ENTPD5: variants seen among roughly 807,000 people sequenced by gnomAD.
The protein encoded by ENTPD5 is ectonucleoside triphosphate diphosphohydrolase 5 (inactive), also known as nucleoside diphosphate phosphatase ENTPD5.
In ENTPD5, 49 loss-of-function variants were observed where a neutral mutation model predicts 60.2. The ratio of observed to expected loss-of-function variants is 0.81; its 90% confidence interval spans 0.65 to 1.03. ENTPD5 has a LOEUF of 1.03. Ranked by LOEUF, ENTPD5 falls within the 50% of genes least tolerant of loss-of-function variation. ENTPD5 has a pLI of 0.00. For missense variants in ENTPD5, 480 were observed against 507.6 expected, an observed-to-expected ratio of 0.95 and a Z score of 0.52; for synonymous variants, 187 against 185.4, an observed-to-expected ratio of 1.01 and a Z score of -0.07.
intron 7 of ENTPD5, 104 bp downstream of exon 7, chr14:73,977,195 G>T (rs1594865170): frequency 1.6e-6 from 2 of 1,220,734 alleles, no homozygotes; most frequent in Non-Finnish European, 2.4e-6. Flanking sequence ...TCTATTTCCT[G>T]CTATCTCATT....
chr14:73,970,263 G>A (rs1444952788), intron 14 of ENTPD5, 138 bp from the exon 15 acceptor site: 11 of 559,940 alleles, frequency 2.0e-5, no homozygotes, highest in Admixed American at 1.3e-4. Flanking sequence ...AGGCTGAGGC[G>A]GGTGGATCAC....
chr14:74,017,261 T>C (rs1034793466), intron 1 of ENTPD5, among the ~76,000 whole-genome samples: 1 of 147,416 alleles, frequency 6.8e-6, no homozygotes, highest in Non-Finnish European at 1.5e-5. Context: ...GAGGCTGCGG[T>C]GGGCCGAGAT....
At chr14:74,009,669 C>T (rs2058784299) in intron 3 of ENTPD5, among the ~76,000 whole-genome samples, 1 of 152,208 alleles carries the variant, frequency 6.6e-6, no homozygotes, top group Admixed American at 6.5e-5. Flanking sequence ...GTCACCCAGG[C>T]TGCAGTGGAG....
At chr14:73,979,323 A>G (rs1278265568) in intron 6 of ENTPD5, among the ~76,000 whole-genome samples, 1 of 151,640 alleles carries the variant, frequency 6.6e-6, no homozygotes, top group African/African-American at 2.4e-5. Flanking sequence ...AGAACCTAAC[A>G]TAACTTTCTT....
At chr14:73,973,563 A>G (rs1461796828) in intron 12 of ENTPD5, among the ~76,000 whole-genome samples, 2 of 152,216 alleles carry the variant, frequency 1.3e-5, no homozygotes, top group African/African-American at 4.8e-5. Flanking sequence ...GGCATTGCGC[A>G]CTATAGCCTT....
At chr14:74,001,443 A>G (rs2058502990) in intron 3 of ENTPD5, among the ~76,000 whole-genome samples, 1 of 151,646 alleles carries the variant, frequency 6.6e-6, no homozygotes, top group Non-Finnish European at 1.5e-5. Context: ...CCGAGCTTGC[A>G]GTGAGCCGAG....
At position 73,964,528 on chromosome 14, in the gene ENTPD5, T is replaced by C. The variant is rs1343781740; in HGVS notation, c.*2400A>G. 6.6e-6 allele frequency: 1 copy of C among 152,198 alleles called. No individual in the cohort carries two copies. Among genetic ancestry groups the C allele is most frequent in the Non-Finnish European group, 1.5e-5 (1 of 68,026 alleles). 9.4% of individuals were successfully genotyped at this position (152,198 alleles called of 1,614,324 possible). A position where few individuals can be genotyped will look rare whatever the true frequency, so the allele number is the denominator to read the frequency against. On this transcript the variant is annotated 3_prime_UTR_variant, in exon 16 of 16. Transcript: ENST00000334696. ...GACCAAAGGAGTCTGCTGGACAGTA[T>C]GTGTGTTTTACAAAATGGCCCCCAC... is the stretch of plus-strand genomic sequence containing the variant.
intron 3 of ENTPD5, among the ~76,000 whole-genome samples, chr14:74,001,319 G>A (rs2058498628): frequency 6.6e-6 from 1 of 152,040 alleles, no homozygotes; most frequent in Admixed American, 6.6e-5. Flanking sequence ...TGGTTAACAC[G>A]GTGAAATCCC....
At chr14:73,958,404 G>A (rs753596080), downstream of ENTPD5, 3 of 1,537,850 alleles carry the variant, frequency 2.0e-6, no homozygotes, top group South Asian at 3.5e-5. Context: ...ATGAGGACCA[G>A]TACCTATTCA....
intron 1 of ENTPD5, among the ~76,000 whole-genome samples, chr14:74,017,425 CA>C (rs1224579395): frequency 6.6e-6 from 1 of 151,404 alleles, no homozygotes; most frequent in Non-Finnish European, 1.5e-5. Flanking sequence ...ACTAAAAATA[CA>C]AAATTAGCCA....
At chr14:73,959,316 C>T, downstream of ENTPD5, 1 of 1,614,122 alleles carries the variant, frequency 6.2e-7, no homozygotes, top group Non-Finnish European at 8.5e-7. Context: ...AGGGAATCTG[C>T]CCAGGCTGTT....
chr14:74,003,527 C>T, intron 3 of ENTPD5: 2 of 944,370 alleles, frequency 2.1e-6, no homozygotes, highest in Non-Finnish European at 3.2e-6. Flanking sequence ...CATGGAATGC[C>T]AGATGCTGGG....
downstream of ENTPD5, chr14:73,958,825 C>T: frequency 2.0e-6 from 3 of 1,535,196 alleles, no homozygotes; most frequent in African/African-American, 1.4e-5. Context: ...GGCTCCACCT[C>T]TAGGGGCTGT....
chr14:73,967,652 T>C (rs183393409), intron 15 of ENTPD5, among the ~76,000 whole-genome samples: 5 of 151,164 alleles, frequency 3.3e-5, no homozygotes, highest in Admixed American at 2.6e-4. Flanking sequence ...ACAAAAAAAT[T>C]AGACAAGAGT....
Position 73,988,016 on chromosome 14 carries a change from C to A in ENTPD5, c.87G>T (p.Trp29Cys), listed in dbSNP as rs775336425. 6.2e-7 allele frequency: 1 copy of A among 1,614,170 alleles called. No individual in the cohort carries two copies. The highest frequency in any genetic ancestry group is 8.5e-7 in the Non-Finnish European group (1 of 1,180,028). The change falls in exon 4 of 16, where the codon TGG becomes TGT. Residue 29 changes from tryptophan (W) to cysteine (C), a missense_variant. Trp to Cys is a radical substitution (Grantham distance 215). Transcript: ENST00000334696. ...SAVSHRNQQT[W>C]FEGIFLSSMC... ...TGGAAGACAGGAAGATACCCTCAAACCAAGTCTGCTGGTTCCTGTGGGAGA... is the reference window on the plus strand; with the variant it reads ...TGGAAGACAGGAAGATACCCTCAAAACAAGTCTGCTGGTTCCTGTGGGAGA...
At chr14:74,005,683 TG>T (rs1286970435) in intron 3 of ENTPD5, among the ~76,000 whole-genome samples, 4 of 151,952 alleles carry the variant, frequency 2.6e-5, no homozygotes, top group Admixed American at 2.6e-4. Context: ...GGTGCACGCC[TG>T]TAATCCCAGC....
chr14:74,018,267 T>C (rs777999725), intron 1 of ENTPD5, among the ~76,000 whole-genome samples: 2 of 151,828 alleles, frequency 1.3e-5, no homozygotes, highest in East Asian at 1.9e-4. Context: ...ACAGAAACTA[T>C]GCAAGTGGGA....
At position 73,973,906 on chromosome 14, in the gene ENTPD5, A is replaced by C. The variant is rs2057331396; in HGVS notation, c.857T>G (p.Val286Gly). 6.2e-7 allele frequency: 1 copy of C among 1,614,014 alleles called. No individual in the cohort carries two copies. Among genetic ancestry groups the C allele is most frequent in the East Asian group, 2.2e-5 (1 of 44,888 alleles). Residue 286 changes from valine to glycine, a missense_variant, in exon 12 of 16, where the codon GTG (valine) becomes GGG (glycine). Coordinates refer to ENST00000334696, the MANE Select transcript of ENTPD5 (RefSeq NM_001249.5). ...WLEAEWIFGG[V>G]KYQYGGNQEG... is the part of the protein sequence containing the mutation. ...TTGGTTGCCACCATACTGGTATTTC[A>C]CACCCCCAAAGATCCACTCTGCTTC...
At position 73,977,386 on chromosome 14, in the gene ENTPD5, G is replaced by T; in HGVS notation, c.442-12C>A. On this transcript the variant is annotated splice_polypyrimidine_tract_variant and intron_variant, in intron 6 of 15. Coordinates refer to ENST00000334696, the MANE Select transcript of ENTPD5 (RefSeq NM_001249.5). ...AAGATCTCCTTTACCTAGAGAAAAAGGAAAAAAAAAAAAAAAGAATTCCCT... is the reference window on the plus strand; with the variant it reads ...AAGATCTCCTTTACCTAGAGAAAAATGAAAAAAAAAAAAAAAGAATTCCCT... 8.0e-7 allele frequency: 1 copy of T among 1,245,144 alleles called. No homozygotes were observed. The allele number at this position is 1,245,144 out of a possible 1,614,324, so 77.1% of individuals were successfully genotyped here. A position where few individuals can be genotyped will look rare whatever the true frequency, so the allele number is the denominator to read the frequency against.
Sources: gnomAD v4.1 joint callset for allele counts (sites outside exome capture counted in the v4.1 genomes callset) on GRCh38, gnomAD v4.1.1 for gene constraint, MANE v1.5 for transcripts, NCBI Gene and HGNC (gene_info 2026-07-23, HGNC 2026-07-21) for gene names.